SH2D4B: variants seen among roughly 807,000 people sequenced by gnomAD.
The protein encoded by SH2D4B is SH2 domain containing 4B.
SH2D4B carries 45 observed loss-of-function variants against 61.5 expected under a neutral mutation model. The ratio of observed to expected loss-of-function variants is 0.73; its 90% CI spans 0.58 to 0.94. SH2D4B has a LOEUF of 0.94. SH2D4B is among the 40% of genes least tolerant of loss of function. SH2D4B has a pLI of 0.00. For synonymous variants in SH2D4B, 224 were observed against 220.4 expected, an observed-to-expected ratio of 1.02 and a Z score of -0.14; for missense variants, 572 against 574.2, an observed-to-expected ratio of 1.00 and a Z score of 0.04.
At position 80,603,588 on chromosome 10, in the gene SH2D4B, C is replaced by G; in HGVS notation, c.653C>G (p.Ser218Cys). 1 of 1,556,524 alleles carries G rather than the reference C, an allele frequency of 6.4e-7. No individual in the cohort carries two copies. The highest frequency in any genetic ancestry group is 8.7e-7 in the Non-Finnish European group (1 of 1,149,514). ...GTCTTCCTCTTTCCAGTGCGCCGGT[C>G]CAAGGCGGCTGATGAGGAGAGGAGC... Reference protein sequence around the residue: ...EREWEEQLRRSKAADEERSRR... With the variant: ...EREWEEQLRRCKAADEERSRR... Residue 218 changes from serine to cysteine, a missense_variant, in exon 5 of 8, where the codon TCC becomes TGC. Ser to Cys is a moderately radical substitution (Grantham distance 112, BLOSUM62 -1). Transcript: ENST00000646907.
intron 6 of SH2D4B, among the ~76,000 whole-genome samples, chr10:80,617,371 C>T (rs1842672249): frequency 6.6e-6 from 1 of 152,194 alleles, no homozygotes; most frequent in Admixed American, 6.5e-5. Context: ...TGAAGAATGC[C>T]ATCTGGGTTC....
intron 1 of SH2D4B, among the ~76,000 whole-genome samples, chr10:80,555,341 C>T (rs377420993): frequency 1.6e-4 from 25 of 152,304 alleles, no homozygotes; most frequent in South Asian, 4.1e-4. Flanking sequence ...TTTCTCTCCC[C>T]GCCTACTGTT....
At chr10:80,612,724 T>C (rs141699713) in intron 6 of SH2D4B, among the ~76,000 whole-genome samples, 20 of 152,368 alleles carry the variant, frequency 1.3e-4, no homozygotes, top group African/African-American at 4.1e-4. Context: ...TACAAATCTT[T>C]TCTTTCCCAG....
chr10:80,624,882 T>A (rs1161350504), intron 6 of SH2D4B, among the ~76,000 whole-genome samples: 2 of 152,220 alleles, frequency 1.3e-5, no homozygotes, highest in Non-Finnish European at 2.9e-5. Context: ...ATTTTTAATA[T>A]TAAATATTGA....
At chr10:80,608,397 G>A (rs546748074) in intron 5 of SH2D4B, among the ~76,000 whole-genome samples, 2 of 152,114 alleles carry the variant, frequency 1.3e-5, no homozygotes, top group Non-Finnish European at 2.9e-5. Flanking sequence ...GTGAGCCACC[G>A]CGCCCGGCCC....
chr10:80,624,180 C>T (rs1285236464), intron 6 of SH2D4B, among the ~76,000 whole-genome samples: 1 of 152,180 alleles, frequency 6.6e-6, no homozygotes, highest in Non-Finnish European at 1.5e-5. Flanking sequence ...AGACTTCTCT[C>T]TCTACACATA....
At chr10:80,589,102 C>G (rs1842295783) in intron 4 of SH2D4B, among the ~76,000 whole-genome samples, 1 of 151,800 alleles carries the variant, frequency 6.6e-6, no homozygotes, top group South Asian at 2.1e-4. Flanking sequence ...CTCCCAGGTT[C>G]AAGTGATTCT....
At chr10:80,556,625 T>C (rs2132109771) in intron 1 of SH2D4B, among the ~76,000 whole-genome samples, 1 of 152,330 alleles carries the variant, frequency 6.6e-6, no homozygotes, top group South Asian at 2.1e-4. Context: ...ATCACACATT[T>C]TGTTAATATC....
chr10:80,564,666 T>C, intron 1 of SH2D4B, among the ~76,000 whole-genome samples: 1 of 152,248 alleles, frequency 6.6e-6, no homozygotes, highest in Non-Finnish European at 1.5e-5. Flanking sequence ...GTTTATTTCT[T>C]AGTCCCATCC....
intron 4 of SH2D4B, among the ~76,000 whole-genome samples, chr10:80,603,171 G>A (rs944850992): frequency 6.6e-6 from 1 of 152,100 alleles, no homozygotes; most frequent in Non-Finnish European, 1.5e-5. Flanking sequence ...TGAGCTGAGT[G>A]GGCAGAGGAT....
chr10:80,581,077 G>A (rs538717025), intron 3 of SH2D4B, among the ~76,000 whole-genome samples: 2 of 152,128 alleles, frequency 1.3e-5, no homozygotes, highest in African/African-American at 2.4e-5. Context: ...TTCCTTTGTC[G>A]TCCCCATCCT....
chr10:80,623,687 C>T (rs1842741997), intron 6 of SH2D4B, among the ~76,000 whole-genome samples: 1 of 152,168 alleles, frequency 6.6e-6, no homozygotes, highest in African/African-American at 2.4e-5. Flanking sequence ...CCAGAATCTA[C>T]TCCCCTTACC....
chr10:80,554,642 G>C (rs1841804094), intron 1 of SH2D4B, among the ~76,000 whole-genome samples: 1 of 152,064 alleles, frequency 6.6e-6, no homozygotes, highest in Non-Finnish European at 1.5e-5. Context: ...GCTTTTAACT[G>C]CTTGGGTGAG....
At chr10:80,569,116 A>G (rs1589338471) in intron 1 of SH2D4B, among the ~76,000 whole-genome samples, 1 of 152,198 alleles carries the variant, frequency 6.6e-6, no homozygotes. Context: ...AAACTGAGAA[A>G]TCTCAGTGGC....
chr10:80,641,351 G>C (rs190131630), intron 7 of SH2D4B, among the ~76,000 whole-genome samples: 60 of 152,370 alleles, frequency 3.9e-4, no homozygotes, highest in African/African-American at 1.4e-3. Flanking sequence ...GGACGTTTAA[G>C]TGCAGAAGTT....
chr10:80,600,893 G>A (rs12356883), intron 4 of SH2D4B, among the ~76,000 whole-genome samples: 17,707 of 152,156 alleles, frequency 0.12, 1,211 homozygotes, highest in East Asian at 0.25. Context: ...TGTAGGGCAC[G>A]AGCTTCTAGT....
At chr10:80,542,729 A>C (rs1219458053) in intron 1 of SH2D4B, among the ~76,000 whole-genome samples, 1 of 151,940 alleles carries the variant, frequency 6.6e-6, no homozygotes, top group African/African-American at 2.4e-5. Flanking sequence ...AGTTTCTGCT[A>C]CTGTTAAATT....
chr10:80,628,165 A>G (rs568432620), intron 6 of SH2D4B, among the ~76,000 whole-genome samples: 1 of 152,280 alleles, frequency 6.6e-6, no homozygotes, highest in African/African-American at 2.4e-5. Flanking sequence ...CTGAGAGGCA[A>G]TCCAGGGGGA....
At chr10:80,587,577 C>T (rs1207418948) in intron 3 of SH2D4B, among the ~76,000 whole-genome samples, 1 of 149,816 alleles carries the variant, frequency 6.7e-6, no homozygotes, top group Non-Finnish European at 1.5e-5. Flanking sequence ...CGACGCCCAG[C>T]TTTTTTTTTT....
Sources: allele counts gnomAD v4.1 joint callset (sites outside exome capture counted in the v4.1 genomes callset), GRCh38; gene constraint gnomAD v4.1.1; transcripts MANE v1.5; gene names NCBI Gene and HGNC (gene_info 2026-07-23, HGNC 2026-07-21).